The following VAT1L variants were observed in gnomAD, a reference collection of about 807,000 sequenced individuals.
VAT1L encodes the protein vesicle amine transport 1 like, also known as putative NADPH-dependent quinone oxidoreductase VAT1L.
VAT1L carries 34 observed loss-of-function variants against 44.1 expected under a neutral mutation model. The observed-to-expected ratio is 0.77, with a 90% CI of 0.59 to 1.03. VAT1L has a LOEUF of 1.03. Among genes scored for constraint, VAT1L ranks in the 50% least tolerant of loss-of-function variants. The pLI, the probability that VAT1L is intolerant of heterozygous loss-of-function variation, is 0.00. For missense variants in VAT1L, 615 were observed against 538.8 expected, an observed-to-expected ratio of 1.14 and a Z score of -1.40; for synonymous variants, 253 against 202.2, an observed-to-expected ratio of 1.25 and a Z score of -2.13.
At chr16:77,846,794 T>C (rs1597064319) in intron 3 of VAT1L, among the ~76,000 whole-genome samples, 2 of 152,184 alleles carry the variant, frequency 1.3e-5, no homozygotes, top group South Asian at 2.1e-4. Flanking sequence ...TTACCCACAA[T>C]AATGCTCACA....
chr16:77,856,526 C>T (rs1001949681), intron 3 of VAT1L, among the ~76,000 whole-genome samples: 5 of 152,210 alleles, frequency 3.3e-5, no homozygotes, highest in Non-Finnish European at 5.9e-5. Flanking sequence ...GATGAATTCA[C>T]TCCTCTAATC....
intron 7 of VAT1L, among the ~76,000 whole-genome samples, chr16:77,961,696 A>G (rs1228575211): frequency 2.6e-5 from 4 of 152,096 alleles, no homozygotes; most frequent in East Asian, 3.9e-4. Flanking sequence ...CTCAAACACA[A>G]CACTAGACAT....
At chr16:77,839,458 C>A (rs1265511100) in intron 3 of VAT1L, among the ~76,000 whole-genome samples, 1 of 138,286 alleles carries the variant, frequency 7.2e-6, no homozygotes, top group African/African-American at 2.8e-5. Flanking sequence ...ATGGTGTGAA[C>A]CTGGGAGGCA....
At chr16:77,888,960 C>T (rs182106634) in intron 7 of VAT1L, among the ~76,000 whole-genome samples, 16 of 152,328 alleles carry the variant, frequency 1.1e-4, no homozygotes, top group Admixed American at 2.6e-4. Context: ...GACTTTCTGC[C>T]GGCTTTCTGC....
chr16:77,853,742 A>G (rs572268966), intron 3 of VAT1L, among the ~76,000 whole-genome samples: 1 of 152,118 alleles, frequency 6.6e-6, no homozygotes, highest in Non-Finnish European at 1.5e-5. Flanking sequence ...TGGCTCTGGC[A>G]CCACACACTG....
intron 7 of VAT1L, among the ~76,000 whole-genome samples, chr16:77,971,474 G>T (rs943012778): frequency 6.6e-6 from 1 of 152,024 alleles, no homozygotes; most frequent in African/African-American, 2.4e-5. Context: ...AGTAAGCAGG[G>T]CACAAATGAC....
At position 77,869,062 on chromosome 16, in the gene VAT1L, A is replaced by G. The variant is rs2017003987; in HGVS notation, c.722+6172A>G. ...CACTGTTCAGAAAGGTGAAACTACA[A>G]AAAAAAAATGATCTGGCTGCCATGT... On this transcript the variant is annotated intron_variant, in intron 4 of 8. Coordinates refer to ENST00000302536, the MANE Select transcript of VAT1L (RefSeq NM_020927.3). 4.6e-5 allele frequency among the ~76,000 whole-genome samples: 7 copies of G among 151,362 alleles called. No homozygotes were observed. The South Asian group carries it at 1.5e-3, about 32-fold the overall frequency.
chr16:77,972,259 G>A (rs970459578), intron 8 of VAT1L, among the ~76,000 whole-genome samples: 1 of 152,150 alleles, frequency 6.6e-6, no homozygotes, highest in African/African-American at 2.4e-5. Flanking sequence ...TCACATTCAT[G>A]TTCCTAACAG....
At chr16:77,959,358 G>C (rs939582459) in intron 7 of VAT1L, among the ~76,000 whole-genome samples, 1 of 152,130 alleles carries the variant, frequency 6.6e-6, no homozygotes, top group Non-Finnish European at 1.5e-5. Context: ...CAGATCTCAA[G>C]CCTACTTGCA....
intron 3 of VAT1L, among the ~76,000 whole-genome samples, chr16:77,851,834 G>A (rs1387900860): frequency 2.0e-5 from 3 of 152,100 alleles, no homozygotes; most frequent in Non-Finnish European, 4.4e-5. Flanking sequence ...TGCAAACTCC[G>A]GTTTGCCTGA....
intron 3 of VAT1L, among the ~76,000 whole-genome samples, chr16:77,838,611 G>T (rs537875966): frequency 4.6e-5 from 7 of 151,772 alleles, no homozygotes; most frequent in African/African-American, 1.7e-4. Flanking sequence ...TCTCCCCACC[G>T]CAACAAACTG....
At chr16:77,894,907 A>C (rs1567500832) in intron 7 of VAT1L, among the ~76,000 whole-genome samples, 1 of 152,068 alleles carries the variant, frequency 6.6e-6, no homozygotes, top group Non-Finnish European at 1.5e-5. Flanking sequence ...TTAATATCCT[A>C]GCTGTGTGGC....
At chr16:77,944,237 C>G (rs1442609231) in intron 7 of VAT1L, among the ~76,000 whole-genome samples, 1 of 152,118 alleles carries the variant, frequency 6.6e-6, no homozygotes, top group African/African-American at 2.4e-5. Context: ...ATAAAAAACC[C>G]TGCTCTAAGG....
chr16:77,909,596 C>T (rs1224908580), intron 7 of VAT1L, among the ~76,000 whole-genome samples: 2 of 137,756 alleles, frequency 1.5e-5, no homozygotes, highest in Admixed American at 7.8e-5. Flanking sequence ...GAGATCGCAA[C>T]ACCGCACTCC....
chr16:77,821,364 G>A (rs538449316), intron 2 of VAT1L, among the ~76,000 whole-genome samples: 1 of 149,336 alleles, frequency 6.7e-6, no homozygotes, highest in African/African-American at 2.5e-5. Flanking sequence ...GCACTGGCAT[G>A]ATCTCAGCTC....
intron 7 of VAT1L, among the ~76,000 whole-genome samples, chr16:77,887,596 C>T (rs2017222247): frequency 6.6e-6 from 1 of 152,144 alleles, no homozygotes; most frequent in Non-Finnish European, 1.5e-5. Flanking sequence ...AATGGTGCTT[C>T]ATGTGTGCTG....
chr16:77,969,873 T>C (rs2018260345), intron 7 of VAT1L, among the ~76,000 whole-genome samples: 1 of 151,960 alleles, frequency 6.6e-6, no homozygotes, highest in South Asian at 2.1e-4. Flanking sequence ...ATCTACTGAA[T>C]TATGTATTAG....
At chr16:77,883,403 A>C (rs1229424618) in intron 6 of VAT1L, among the ~76,000 whole-genome samples, 1 of 152,214 alleles carries the variant, frequency 6.6e-6, no homozygotes, top group Non-Finnish European at 1.5e-5. Context: ...GAGATGACAG[A>C]CTGGAAAAGA....
At chr16:77,825,221 T>C in intron 2 of VAT1L, 25 bp from the exon 3 acceptor site, 1 of 1,613,458 alleles carries the variant, frequency 6.2e-7, no homozygotes, top group Non-Finnish European at 8.5e-7. Flanking sequence ...TAGCCTCCAC[T>C]AACTCTGTGT....
Sources: allele counts gnomAD v4.1 joint callset (sites outside exome capture counted in the v4.1 genomes callset), GRCh38; gene constraint gnomAD v4.1.1; transcripts MANE v1.5; gene names NCBI Gene and HGNC (gene_info 2026-07-23, HGNC 2026-07-21).